SORCS1: variants seen among roughly 807,000 people sequenced by gnomAD.
The protein encoded by SORCS1 is VPS10 domain-containing receptor SorCS1.
Under a neutral mutation model 146.1 loss-of-function variants are expected in SORCS1, and 60 were observed. The observed-to-expected ratio is 0.41, with a 90% CI of 0.33 to 0.51. SORCS1 has a LOEUF of 0.51. Ranked by LOEUF, SORCS1 falls within the 20% of genes least tolerant of loss-of-function variation. The pLI, the probability that SORCS1 is intolerant of heterozygous loss-of-function variation, is 0.21. For synonymous variants in SORCS1, 637 were observed against 584.0 expected (o/e 1.09, Z -1.31); for missense variants, 1,352 against 1,487.6 (o/e 0.91, Z 1.50).
intron 1 of SORCS1, among the ~76,000 whole-genome samples, chr10:107,080,748 A>G (rs944978071): frequency 6.6e-6 from 1 of 152,162 alleles, no homozygotes; most frequent in East Asian, 1.9e-4. Context: ...CATCCTTAAA[A>G]CCCAGTTATT....
chr10:106,866,679 T>A (rs1950231497), intron 2 of SORCS1, among the ~76,000 whole-genome samples: 1 of 152,042 alleles, frequency 6.6e-6, no homozygotes, highest in Admixed American at 6.6e-5. Context: ...CGAGCAAGGA[T>A]CTACCAACTG....
At chr10:106,995,356 G>C (rs749625746) in intron 1 of SORCS1, among the ~76,000 whole-genome samples, 1 of 151,154 alleles carries the variant, frequency 6.6e-6, no homozygotes, top group Non-Finnish European at 1.5e-5. Context: ...GAGAATAGAA[G>C]AACAGCCTTA....
intron 2 of SORCS1, among the ~76,000 whole-genome samples, chr10:106,875,279 C>T (rs1192402240): frequency 6.6e-6 from 1 of 152,180 alleles, no homozygotes; most frequent in East Asian, 1.9e-4. Flanking sequence ...CAAGTTGCCA[C>T]AAAAGATATT....
intron 1 of SORCS1, among the ~76,000 whole-genome samples, chr10:106,992,806 C>A (rs1328918062): frequency 1.6e-5 from 2 of 128,500 alleles, no homozygotes; most frequent in Non-Finnish European, 3.2e-5. Context: ...GAGCTAATTT[C>A]TTTCTTCCTT....
intron 18 of SORCS1, among the ~76,000 whole-genome samples, chr10:106,630,574 T>C (rs1303782493): frequency 6.6e-6 from 1 of 152,202 alleles, no homozygotes; most frequent in Non-Finnish European, 1.5e-5. Flanking sequence ...GAAGACTTCA[T>C]GCAAGTCATT....
chr10:106,813,341 C>T (rs1947571662), intron 3 of SORCS1, among the ~76,000 whole-genome samples: 2 of 151,692 alleles, frequency 1.3e-5, no homozygotes, highest in African/African-American at 4.8e-5. Context: ...ACTATGTTGG[C>T]CAGGCTGTTC....
intron 2 of SORCS1, among the ~76,000 whole-genome samples, chr10:106,851,154 G>A (rs961028531): frequency 2.6e-5 from 4 of 152,136 alleles, no homozygotes; most frequent in African/African-American, 7.2e-5. Context: ...TCTGTGGCTT[G>A]TCTTCTCATT....
intron 1 of SORCS1, among the ~76,000 whole-genome samples, chr10:106,962,040 G>A (rs796926866): frequency 6.6e-6 from 1 of 152,222 alleles, no homozygotes; most frequent in South Asian, 2.1e-4. Flanking sequence ...AGGTTGGGGG[G>A]GTGTCAGTGG....
At chr10:106,666,967 T>C (rs1851207236) in intron 17 of SORCS1, 1 of 152,228 alleles carries the variant, frequency 6.6e-6, no homozygotes. Flanking sequence ...TGTTCAATTT[T>C]CCTCAATGGC....
intron 5 of SORCS1, among the ~76,000 whole-genome samples, chr10:106,739,275 C>T (rs1358911087): frequency 6.7e-6 from 1 of 149,674 alleles, no homozygotes; most frequent in Non-Finnish European, 1.5e-5. Context: ...CACTTTAGGT[C>T]AGGAGTTTGA....
At chr10:106,905,748 G>C (rs908563512) in intron 2 of SORCS1, among the ~76,000 whole-genome samples, 17 of 152,194 alleles carry the variant, frequency 1.1e-4, no homozygotes, top group African/African-American at 4.1e-4. Flanking sequence ...CACAAGCAGA[G>C]GGTGCATGTT....
intron 2 of SORCS1, among the ~76,000 whole-genome samples, chr10:106,935,798 T>A (rs1277932520): frequency 6.6e-6 from 1 of 152,234 alleles, no homozygotes; most frequent in Non-Finnish European, 1.5e-5. Flanking sequence ...GCACAGAACA[T>A]ACTATTTACT....
At chr10:106,796,932 T>C (rs532587256) in intron 3 of SORCS1, among the ~76,000 whole-genome samples, 3 of 152,086 alleles carry the variant, frequency 2.0e-5, no homozygotes, top group East Asian at 3.9e-4. Context: ...CATGGTGAAA[T>C]CCCGTCTCTA....
chr10:106,762,386 CT>C lies in SORCS1; in HGVS notation c.886-726del, dbSNP rs869195563. 9.5e-3 allele frequency among the ~76,000 whole-genome samples: 703 copies of C among 73,778 alleles called. 1 individual carries two copies. The highest frequency in any genetic ancestry group is 0.034 in the African/African-American group (580 of 17,276). 48.4% of individuals were successfully genotyped at this position (73,778 alleles called of 152,430 possible). On this transcript the variant is annotated intron_variant, in intron 4 of 25. Transcript: ENST00000263054. ...TTCTTTCTAAGTCTTTTTTATTATT[CT>C]TTTTTTTTTTTTTTTTTTTTTTTGA...
chr10:106,841,844 A>C (rs896460709), intron 2 of SORCS1, among the ~76,000 whole-genome samples: 2 of 152,208 alleles, frequency 1.3e-5, no homozygotes, highest in Non-Finnish European at 2.9e-5. Flanking sequence ...AGTAAATCTC[A>C]GTTGCTTCCA....
chr10:106,954,305 T>G (rs1268764652), intron 2 of SORCS1, among the ~76,000 whole-genome samples: 1 of 152,220 alleles, frequency 6.6e-6, no homozygotes, highest in African/African-American at 2.4e-5. Context: ...CTCTTATACA[T>G]GGAGATCCAT....
At chr10:106,812,771 G>T (rs1240243475) in intron 3 of SORCS1, among the ~76,000 whole-genome samples, 2 of 152,094 alleles carry the variant, frequency 1.3e-5, no homozygotes, top group African/African-American at 4.8e-5. Flanking sequence ...GGAAGAATAG[G>T]ATCTCTCTTT....
intron 2 of SORCS1, among the ~76,000 whole-genome samples, chr10:106,939,296 A>C (rs1037801775): frequency 9.2e-5 from 14 of 152,370 alleles, no homozygotes; most frequent in Admixed American, 9.1e-4. Context: ...GGAATAATGC[A>C]ATGAATATAA....
At chr10:107,123,589 T>C (rs1966527151) in intron 1 of SORCS1, among the ~76,000 whole-genome samples, 1 of 152,190 alleles carries the variant, frequency 6.6e-6, no homozygotes, top group Non-Finnish European at 1.5e-5. Context: ...GAAGATGATA[T>C]ATTGGATAAC....
Sources: gnomAD v4.1 joint callset for allele counts (sites outside exome capture counted in the v4.1 genomes callset) on GRCh38, gnomAD v4.1.1 for gene constraint, MANE v1.5 for transcripts, NCBI Gene and HGNC (gene_info 2026-07-23, HGNC 2026-07-21) for gene names.